The following ADGRL2 variants were observed in gnomAD, a reference collection of about 807,000 sequenced individuals.
ADGRL2 encodes adhesion G protein-coupled receptor L2, also known as calcium-independent alpha-latrotoxin receptor 2.
ADGRL2 carries 44 observed loss-of-function variants against 157.4 expected under a neutral mutation model. The observed-to-expected ratio is 0.28, with a 90% CI of 0.22 to 0.36. ADGRL2 has a LOEUF of 0.36. Among genes scored for constraint, ADGRL2 ranks in the 10% least tolerant of loss-of-function variants. The probability of loss-of-function intolerance (pLI) is 1.00; values close to 1 mark genes in which losing one functional copy is unlikely to be tolerated. For missense variants in ADGRL2, 1,510 were observed against 1,768.9 expected (o/e 0.85, Z 2.63); for synonymous variants, 585 against 624.7 (o/e 0.94, Z 0.95).
At chr1:81,345,542 T>A (rs958816657) in intron 1 of ADGRL2, among the ~76,000 whole-genome samples, 1 of 152,178 alleles carries the variant, frequency 6.6e-6, no homozygotes, top group African/African-American at 2.4e-5. Context: ...TAAAGAGAAG[T>A]GATAAATTAT....
At chr1:81,878,924 C>T (rs1357059580) in intron 2 of ADGRL2, among the ~76,000 whole-genome samples, 3 of 152,138 alleles carry the variant, frequency 2.0e-5, no homozygotes, top group Admixed American at 2.0e-4. Context: ...CAAAAGTTAG[C>T]ACTTGTTTTA....
intron 3 of ADGRL2, among the ~76,000 whole-genome samples, chr1:81,644,926 T>A (rs1266460296): frequency 1.3e-5 from 2 of 152,242 alleles, no homozygotes; most frequent in African/African-American, 4.8e-5. Context: ...AGCTCTCACA[T>A]TCATATATTG....
chr1:81,669,717 C>T lies in ADGRL2; in HGVS notation c.-143+88737C>T, dbSNP rs575565038. ...CAGCACTTTGGGAGGCCAAGGCGGG[C>T]GGATCATGAGGTCAGGAGATCGAGA... On this transcript the variant is annotated intron_variant, in intron 3 of 24. Coordinates refer to the ADGRL2 transcript ENST00000370721. Among the ~76,000 whole-genome samples, 66 of 151,950 alleles carry T rather than the reference C, an allele frequency of 4.3e-4. No homozygotes were observed. In the Middle Eastern group the frequency reaches 0.017, roughly 39 times the overall value.
intron 1 of ADGRL2, among the ~76,000 whole-genome samples, chr1:81,312,137 G>GC (rs1659796295): frequency 6.6e-6 from 1 of 152,220 alleles, no homozygotes; most frequent in Non-Finnish European, 1.5e-5. Context: ...AGGGTCCTAA[G>GC]CAACGATGGA....
rs141430841 is a variant in ADGRL2, at chr1:81,920,878, A to C, written c.287+13648A>C. Among the ~76,000 whole-genome samples, 85 of 152,198 alleles carry C rather than the reference A, an allele frequency of 5.6e-4. 2 individuals are homozygous for C. The highest frequency in any genetic ancestry group is 2.0e-3 in the African/African-American group (84 of 41,544). On this transcript the variant is annotated intron_variant, in intron 3 of 23. Coordinates refer to ENST00000686636, the MANE Select transcript of ADGRL2 (RefSeq NM_001366006.2). Reference sequence around the variant, plus strand: ...GGTTTTAAAGGAAAAAAAAAACAAAAAAAAAGCCCAATTCAGGTCTAAAAA... The same window carrying C: ...GGTTTTAAAGGAAAAAAAAAACAAACAAAAAGCCCAATTCAGGTCTAAAAA...
chr1:81,919,054 C>G (rs528825790), intron 3 of ADGRL2, among the ~76,000 whole-genome samples: 1 of 152,092 alleles, frequency 6.6e-6, no homozygotes, highest in Admixed American at 6.6e-5. Context: ...AAGAAGTTGG[C>G]ATAGCATTCC....
chr1:81,761,968 T>C (rs2085896222), intron 2 of ADGRL2: 1 of 152,118 alleles, frequency 6.6e-6, no homozygotes, highest in Admixed American at 6.5e-5. Context: ...CTGATAATTA[T>C]AATGTAGTTT....
chr1:81,822,710 G>C (rs2091107636), intron 1 of ADGRL2, among the ~76,000 whole-genome samples: 1 of 151,946 alleles, frequency 6.6e-6, no homozygotes, highest in Non-Finnish European at 1.5e-5. Flanking sequence ...AAATTAGCAA[G>C]TATATTTAAT....
chr1:81,510,026 G>A (rs568913072), intron 2 of ADGRL2, among the ~76,000 whole-genome samples: 17 of 152,270 alleles, frequency 1.1e-4, no homozygotes, highest in African/African-American at 4.1e-4. Flanking sequence ...TTTAGTTTAT[G>A]CTCATCCAAC....
At chr1:81,769,507 C>T (rs956192038) in intron 2 of ADGRL2, among the ~76,000 whole-genome samples, 1 of 151,970 alleles carries the variant, frequency 6.6e-6, no homozygotes, top group South Asian at 2.1e-4. Flanking sequence ...AAATATATAA[C>T]CTAATTTGTG....
chr1:81,810,780 A>G (rs76337256), intron 1 of ADGRL2, among the ~76,000 whole-genome samples: 3,911 of 152,038 alleles, frequency 0.026, 78 homozygotes, highest in East Asian at 0.056. Context: ...CCAATATTAA[A>G]GAGATGAGCA....
chr1:81,680,472 C>T (rs1262547441), intron 3 of ADGRL2, among the ~76,000 whole-genome samples: 3 of 152,058 alleles, frequency 2.0e-5, no homozygotes, highest in Admixed American at 1.3e-4. Context: ...ATGTAGAAAT[C>T]TTGAAAAAGA....
upstream of ADGRL2, among the ~76,000 whole-genome samples, chr1:81,696,325 C>A (rs1009464843): frequency 6.6e-6 from 1 of 151,980 alleles, no homozygotes; most frequent in Non-Finnish European, 1.5e-5. Context: ...AAGAAGTGAA[C>A]CCCAAGAAGG....
intron 1 of ADGRL2, among the ~76,000 whole-genome samples, chr1:81,422,055 C>A (rs963907906): frequency 1.3e-5 from 2 of 152,080 alleles, no homozygotes; most frequent in Non-Finnish European, 2.9e-5. Flanking sequence ...TAAATGAAAT[C>A]ATAAAATTGT....
chr1:81,930,780 C>A (rs1205327134), intron 3 of ADGRL2, among the ~76,000 whole-genome samples: 2 of 152,094 alleles, frequency 1.3e-5, no homozygotes, highest in East Asian at 3.9e-4. Flanking sequence ...GAAACCCTCA[C>A]CCCCACACCT....
intron 1 of ADGRL2, among the ~76,000 whole-genome samples, chr1:81,703,006 A>G (rs908513912): frequency 1.5e-4 from 23 of 152,250 alleles, no homozygotes; most frequent in African/African-American, 5.3e-4. Flanking sequence ...AACCCAGTGT[A>G]GAAGCACAAC....
intron 3 of ADGRL2, among the ~76,000 whole-genome samples, chr1:81,680,548 G>A (rs990660930): frequency 6.6e-5 from 10 of 152,096 alleles, no homozygotes; most frequent in East Asian, 3.9e-4. Context: ...TCATCAGACC[G>A]ATAATTAATA....
At position 81,353,167 on chromosome 1, in the gene ADGRL2, T is replaced by C. The variant is rs187656295; in HGVS notation, c.-302+46658T>C. ...AAATTTGCACCCAGGCAGTCTCTCT[T>C]CCAGACCCTTACATGTAGGCACTTC... On this transcript the variant is annotated intron_variant, in intron 1 of 24. Coordinates refer to the ADGRL2 transcript ENST00000370721. Among the ~76,000 whole-genome samples the C allele has an allele frequency of 1.5e-3, 224 of 152,004 alleles. 1 individual carries two copies. The highest frequency in any genetic ancestry group is 1.4e-3 in the Non-Finnish European group (92 of 67,910).
chr1:81,543,638 T>G (rs2079944072), intron 2 of ADGRL2, among the ~76,000 whole-genome samples: 1 of 152,188 alleles, frequency 6.6e-6, no homozygotes, highest in African/African-American at 2.4e-5. Flanking sequence ...TACGATAGCC[T>G]TCCTAATTCA....
Sources: gnomAD v4.1 joint callset for allele counts (sites outside exome capture counted in the v4.1 genomes callset) on GRCh38, gnomAD v4.1.1 for gene constraint, MANE v1.5 for transcripts, NCBI Gene and HGNC (gene_info 2026-07-23, HGNC 2026-07-21) for gene names.